Variants in CYP4F12 observed in about 807,000 individuals in gnomAD.
The protein encoded by CYP4F12 is cytochrome P450 4F12.
CYP4F12 carries 60 observed loss-of-function variants against 56.5 expected under a neutral mutation model. That is an observed-to-expected ratio of 1.06 (90% CI 0.86 to 1.32). The LOEUF is 1.32. Ranked by LOEUF, CYP4F12 falls within the 40% of genes most tolerant of loss-of-function variation. CYP4F12 has a pLI of 0.00. For synonymous variants in CYP4F12, 263 were observed against 264.9 expected, an observed-to-expected ratio of 0.99 and a Z score of 0.07; for missense variants, 711 against 683.5, an observed-to-expected ratio of 1.04 and a Z score of -0.45.
chr19:15,673,221 T>A, intron 1 of CYP4F12, 86 bp downstream of exon 1: 1 of 526,418 alleles, frequency 1.9e-6, no homozygotes, highest in Non-Finnish European at 3.6e-6. Context: ...TCCAAGATGC[T>A]GGCATGGGAA....
intron 5 of CYP4F12, chr19:15,681,218 A>AGAAAGTC (rs2007282033): frequency 6.8e-6 from 1 of 146,236 alleles, no homozygotes; most frequent in Admixed American, 6.5e-5. Flanking sequence ...TACTGGCCAA[A>AGAAAGTC]GAAAGTCGAA....
rs916365322 is a variant in CYP4F12, at chr19:15,683,388, T to C, written c.648-105T>C. The C allele has an allele frequency of 9.0e-6, 11 of 1,223,820 alleles. No individual in the cohort carries two copies. The African/African-American group carries it at 1.7e-4, about 19-fold the overall frequency. The allele number at this position is 1,223,820 out of a possible 1,614,324, so 75.8% of individuals were successfully genotyped here. A position where few individuals can be genotyped will look rare whatever the true frequency, so the allele number is the denominator to read the frequency against. The stretch of plus-strand genomic sequence containing the variant: ...ATCTCTAGGACCATCTATTTCTAGA[T>C]ACTCAGTTTCCTGATGGGAGGTAGC... On this transcript the variant is annotated intron_variant, in intron 6 of 12. Transcript: ENST00000550308.
At chr19:15,688,901 T>C (rs615050) in intron 9 of CYP4F12, among the ~76,000 whole-genome samples, 43,020 of 151,946 alleles carry the variant, frequency 0.28, 6,603 homozygotes, top group African/African-American at 0.4. Context: ...AACTGGACAG[T>C]CACATGTAGA....
chr19:15,675,256 T>A (rs74182259), intron 2 of CYP4F12, among the ~76,000 whole-genome samples: 1 of 76,296 alleles, frequency 1.3e-5, no homozygotes, highest in Non-Finnish European at 2.6e-5. Flanking sequence ...ATGTGGCCTC[T>A]GTCTGCTCAC....
intron 2 of CYP4F12, among the ~76,000 whole-genome samples, chr19:15,676,955 AC>A (rs2006969764): frequency 7.4e-6 from 1 of 134,322 alleles, no homozygotes; most frequent in Admixed American, 7.4e-5. Context: ...TCCTCTCCTC[AC>A]TCACTCATTC....
At chr19:15,679,157 C>G (rs1191896008) in intron 3 of CYP4F12, among the ~76,000 whole-genome samples, 2 of 152,200 alleles carry the variant, frequency 1.3e-5, no homozygotes, top group African/African-American at 4.8e-5. Flanking sequence ...CCCCCAAATC[C>G]TTAGTGACTC....
intron 2 of CYP4F12, among the ~76,000 whole-genome samples, chr19:15,677,600 ACTCG>A: frequency 1.7e-5 from 1 of 57,238 alleles, no homozygotes; most frequent in African/African-American, 6.7e-5. Flanking sequence ...CTCCTCACTC[ACTCG>A]TTCCTCTCCT....
intron 12 of CYP4F12, 148 bp downstream of exon 12, chr19:15,696,660 T>G (rs1403075083): frequency 1.8e-6 from 2 of 1,123,186 alleles, no homozygotes; most frequent in African/African-American, 3.1e-5. Flanking sequence ...TGGGGATGAG[T>G]AGGTCCTAGA....
At chr19:15,686,209 C>T (rs979818491) in intron 9 of CYP4F12, among the ~76,000 whole-genome samples, 31 of 152,018 alleles carry the variant, frequency 2.0e-4, no homozygotes, top group Admixed American at 1.8e-3. Flanking sequence ...TACCAAGTAC[C>T]GAGGAGGCTG....
intron 11 of CYP4F12, 32 bp downstream of exon 11, chr19:15,696,257 C>T (rs760412102): frequency 6.2e-7 from 1 of 1,613,612 alleles, no homozygotes; most frequent in Non-Finnish European, 8.5e-7. Flanking sequence ...ACCACCACCC[C>T]CATCCTCTAC....
chr19:15,683,501 G>A lies in CYP4F12; in HGVS notation c.656G>A (p.Ser219Asn). 6.2e-7 allele frequency: 1 copy of A among 1,601,450 alleles called. No individual in the cohort carries two copies. The highest frequency in any genetic ancestry group is 8.5e-7 in the Non-Finnish European group (1 of 1,173,926). ...CTGCCCTTGCTCTGCAGGAGGCCCA[G>A]TGAATATATTGCCACCATCTTGGAG... ...SFDSHCQERP[S>N]EYIATILELS... Residue 219 changes from serine to asparagine, a missense_variant, in exon 7 of 13, where the codon AGT becomes AAT. Ser to Asn is a conservative substitution (Grantham distance 46, BLOSUM62 1). Transcript: ENST00000550308.
At chr19:15,684,754 A>ATT (rs1308987513) in intron 7 of CYP4F12, 62 bp from the exon 8 acceptor site, 49 of 1,069,658 alleles carry the variant, frequency 4.6e-5, no homozygotes, top group Non-Finnish European at 6.0e-5. Context: ...AGATAGTATA[A>ATT]TTTGTGTGTG....
chr19:15,678,475 C>G, intron 3 of CYP4F12, 70 bp downstream of exon 3: 1 of 1,582,954 alleles, frequency 6.3e-7, no homozygotes, highest in Non-Finnish European at 8.6e-7. Flanking sequence ...GTACCCACGT[C>G]CCTCCTTGAG....
rs543122337 is a variant in CYP4F12 at position 15,696,760 on chromosome 19, C to T, written c.1398-148C>T. On this transcript the variant is annotated intron_variant, in intron 12 of 12. Transcript: ENST00000550308. Reference sequence around the variant, plus strand: ...GGCCCAGTCTCCGGGACATACAAGCCCACATGGGAGTCCCAGGCACGCTTA... The same window carrying T: ...GGCCCAGTCTCCGGGACATACAAGCTCACATGGGAGTCCCAGGCACGCTTA... 23 of 1,171,420 alleles carry T rather than the reference C, an allele frequency of 2.0e-5. No homozygotes were observed. The East Asian group carries it at 4.1e-4, about 21-fold the overall frequency. The allele number at this position is 1,171,420 out of a possible 1,614,324, so 72.6% of individuals were successfully genotyped here.
At chr19:15,693,403 TA>T (rs1313549364) in intron 9 of CYP4F12, among the ~76,000 whole-genome samples, 4 of 152,226 alleles carry the variant, frequency 2.6e-5, no homozygotes, top group African/African-American at 9.6e-5. Context: ...TTTCTAAGTA[TA>T]AAATCACTAT....
In CYP4F12 at chr19:15,680,111, G is replaced by A. The variant is rs140627522; in HGVS notation, c.344-133G>A. ...GTCCTTCTTCCTCTATCCTCCCTTCGTCCTTTGCCCTTGGCCCCCTTCCTG... is the reference window on the plus strand; with the variant it reads ...GTCCTTCTTCCTCTATCCTCCCTTCATCCTTTGCCCTTGGCCCCCTTCCTG... On this transcript the variant is annotated intron_variant, in intron 3 of 12. Transcript: ENST00000550308. 1.4e-3 allele frequency: 1,688 copies of A among 1,188,890 alleles called. 16 individuals are homozygous for A. In the African/African-American group the frequency reaches 0.021, roughly 15 times the overall value. 73.6% of individuals were successfully genotyped at this position (1,188,890 alleles called of 1,614,324 possible). A position where few individuals can be genotyped will look rare whatever the true frequency, so the allele number is the denominator to read the frequency against.
chr19:15,675,559 C>T (rs76159823), intron 2 of CYP4F12, among the ~76,000 whole-genome samples: 2,172 of 152,176 alleles, frequency 0.014, no homozygotes, highest in African/African-American at 0.051. Flanking sequence ...TCCATGGGGA[C>T]CTTCCCATAT....
rs2007357755 is a variant in CYP4F12, at chr19:15,682,459, C to T, written c.596C>T (p.Thr199Ile). The T allele has an allele frequency of 1.2e-6, 2 of 1,613,828 alleles. No individual in the cohort carries two copies. Among genetic ancestry groups the T allele is most frequent in the Admixed American group, 3.3e-5 (2 of 59,998 alleles). Reference sequence around the variant, plus strand: ...ATGTTTGAGCACATCAGCCTCATGACCTTGGACAGTCTACAGAAATGCATC... The same window carrying T: ...ATGTTTGAGCACATCAGCCTCATGATCTTGGACAGTCTACAGAAATGCATC... ...LDMFEHISLM[T>I]LDSLQKCIFS... The change falls in exon 6 of 13, where the codon ACC becomes ATC. Residue 199 changes from threonine (T) to isoleucine (I), a missense_variant. Transcript: ENST00000550308.
chr19:15,678,571 C>A, intron 3 of CYP4F12, 166 bp downstream of exon 3: 1 of 965,586 alleles, frequency 1.0e-6, no homozygotes, highest in Non-Finnish European at 1.5e-6. Flanking sequence ...CTGGGCACCA[C>A]TGGGGCTCCA....
Sources: allele counts gnomAD v4.1 joint callset (sites outside exome capture counted in the v4.1 genomes callset), GRCh38; gene constraint gnomAD v4.1.1; transcripts MANE v1.5; gene names NCBI Gene and HGNC (gene_info 2026-07-23, HGNC 2026-07-21).